TCF20: variants seen among roughly 807,000 people sequenced by gnomAD.
TCF20 encodes transcription factor 20.
A neutral mutation model predicts 148.6 loss-of-function variants in TCF20; 3 were observed. The observed-to-expected ratio is 0.02, with a 90% CI of 0.01 to 0.05. The LOEUF is 0.05. Ranked by LOEUF, TCF20 falls within the 10% of genes least tolerant of loss-of-function variation. TCF20 has a pLI of 1.00. For synonymous variants in TCF20, 1,049 were observed against 909.5 expected, an observed-to-expected ratio of 1.15 and a Z score of -2.76; for missense variants, 2,350 against 2,429.3, an observed-to-expected ratio of 0.97 and a Z score of 0.69.
chr22:42,160,242 CAT>C lies in TCF20; in HGVS notation c.*1159_*1160del, dbSNP rs1401472384. On this transcript the variant is annotated 3_prime_UTR_variant, in exon 6 of 6. Transcript: ENST00000677622. ...CAATTTACAAAACAAAACAACACAA[CAT>C]AAAGAATCACGTAGCATGGGGCTGC... 3 of 152,518 alleles carry C rather than the reference CAT, an allele frequency of 2.0e-5. No individual in the cohort carries two copies. Among genetic ancestry groups the C allele is most frequent in the African/African-American group, 4.8e-5 (2 of 41,408 alleles). 9.4% of individuals were successfully genotyped at this position (152,518 alleles called of 1,614,324 possible).
chr22:42,341,461 G>A (rs563345633), intron 1 of TCF20, among the ~76,000 whole-genome samples: 12 of 152,084 alleles, frequency 7.9e-5, no homozygotes, highest in African/African-American at 2.4e-4. Flanking sequence ...CACCATTACC[G>A]TCCCAGCGAA....
chr22:42,237,007 G>C (rs1411274455), intron 1 of TCF20, among the ~76,000 whole-genome samples: 1 of 152,152 alleles, frequency 6.6e-6, no homozygotes, highest in Non-Finnish European at 1.5e-5. Context: ...GACTAATTAG[G>C]GTGGTGGTTG....
chr22:42,309,238 G>A (rs1340541367), intron 1 of TCF20, among the ~76,000 whole-genome samples: 1 of 152,136 alleles, frequency 6.6e-6, no homozygotes, highest in African/African-American at 2.4e-5. Flanking sequence ...CAGACAGCAA[G>A]TGCTCCCCAA....
intron 1 of TCF20, among the ~76,000 whole-genome samples, chr22:42,294,514 G>C (rs1448733629): frequency 1.3e-5 from 2 of 152,124 alleles, no homozygotes; most frequent in East Asian, 3.9e-4. Flanking sequence ...AGGCGAGCAG[G>C]TTGGGAAAGG....
intron 1 of TCF20, among the ~76,000 whole-genome samples, chr22:42,252,094 ACT>A (rs1271599299): frequency 2.0e-5 from 3 of 149,754 alleles, no homozygotes; most frequent in Non-Finnish European, 3.0e-5. Context: ...ACATGGCGAA[ACT>A]CTGTCTCTAC....
chr22:42,338,090 G>A lies in TCF20; in HGVS notation c.-37+5389C>T, dbSNP rs1928097012. Among the ~76,000 whole-genome samples, 1 of 152,182 alleles carries A rather than the reference G, an allele frequency of 6.6e-6. No individual in the cohort carries two copies. The highest frequency in any genetic ancestry group is 2.4e-5 in the African/African-American group (1 of 41,446). On this transcript the variant is annotated intron_variant, in intron 1 of 1. Coordinates refer to the TCF20 transcript ENST00000515426. The surrounding 1 kb of genome is among the most constrained non-coding windows in gnomAD (Gnocchi z 4.0). ...GGTCCAGTGGGGGCATGCGTCCCAGGAAGAAAACCCTCTGGGCCCAGGTCC... is the reference window on the plus strand; with the variant it reads ...GGTCCAGTGGGGGCATGCGTCCCAGAAAGAAAACCCTCTGGGCCCAGGTCC...
intron 2 of TCF20, among the ~76,000 whole-genome samples, chr22:42,187,151 T>G (rs996346975): frequency 6.6e-6 from 1 of 152,180 alleles, no homozygotes; most frequent in African/African-American, 2.4e-5. Flanking sequence ...GACCCTCTGC[T>G]GCCATGTGGA....
chr22:42,341,776 TGGGCGGGGG>T (rs1237380721), intron 1 of TCF20, among the ~76,000 whole-genome samples: 1 of 11,926 alleles, frequency 8.4e-5, no homozygotes, highest in Non-Finnish European at 2.2e-4. Context: ...ATCAGCGGGG[TGGGCGGGGG>T]GGGCAAGATG....
In TCF20 at chr22:42,209,819, G is replaced by T. The variant is rs1456252029; in HGVS notation, c.5487C>A (p.Pro1829=). The T allele has an allele frequency of 5.6e-6, 9 of 1,614,066 alleles. No individual in the cohort carries two copies. Among genetic ancestry groups the T allele is most frequent in the Non-Finnish European group, 7.6e-6 (9 of 1,180,046 alleles). ...GCTCAGGGCCACCTTCTGAAGTGGT[G>T]GGCACGGAGGGCTTCGAGTCCAAAA... ...KTVLDSKPSV[P]TTSEGGPELE... is the part of the protein sequence containing the mutation. The change falls in exon 2 of 6, where the codon CCC becomes CCA. Residue 1829 remains proline, a synonymous_variant. Transcript: ENST00000677622.
intron 1 of TCF20, among the ~76,000 whole-genome samples, chr22:42,339,785 G>T (rs886667692): frequency 1.3e-5 from 2 of 152,210 alleles, no homozygotes; most frequent in Non-Finnish European, 2.9e-5. Context: ...CAGGCACTTG[G>T]CCAGCCAGGT....
chr22:42,264,691 C>G (rs903159446), intron 1 of TCF20, among the ~76,000 whole-genome samples: 2 of 152,216 alleles, frequency 1.3e-5, no homozygotes, highest in African/African-American at 4.8e-5. Flanking sequence ...AAGTAACATC[C>G]CCTGAGTTAT....
chr22:42,215,133 C>T lies in TCF20; in HGVS notation c.173G>A (p.Gly58Glu), dbSNP rs555261601. 135 of 1,613,976 alleles carry T rather than the reference C, an allele frequency of 8.4e-5. No homozygotes were observed. Among genetic ancestry groups the T allele is most frequent in the Non-Finnish European group, 1.1e-4 (132 of 1,179,980 alleles). The change falls in exon 2 of 6, where the codon GGA (glycine) becomes GAA (glutamate). Residue 58 changes from glycine to glutamate, a missense_variant. Gly to Glu is a moderately conservative substitution (Grantham distance 98). Coordinates refer to ENST00000677622, the MANE Select transcript of TCF20 (RefSeq NM_001378418.1). ...CGCAGCAGCTGCTGCTCCTCGTCGT[C>T]CACCACCACTGCCACTGCCACTGCT... is the stretch of plus-strand genomic sequence containing the variant. ...SGSSGSGSGGGRRGAAAAAAA... is the reference protein window; with the variant it reads ...SGSSGSGSGGERRGAAAAAAA...
At chr22:42,220,221 T>C (rs1259759744) in intron 1 of TCF20, among the ~76,000 whole-genome samples, 3 of 152,154 alleles carry the variant, frequency 2.0e-5, no homozygotes, top group African/African-American at 7.2e-5. Context: ...CAGGCTGGAG[T>C]GCAGTGGCAT....
At chr22:42,187,950 CA>C (rs1043947940) in intron 2 of TCF20, among the ~76,000 whole-genome samples, 21 of 152,070 alleles carry the variant, frequency 1.4e-4, no homozygotes, top group Non-Finnish European at 2.9e-5. Context: ...GTCTTTTCTC[CA>C]GAAGATTCTG....
chr22:42,183,458 G>A (rs1388656519), intron 2 of TCF20, among the ~76,000 whole-genome samples: 1 of 152,186 alleles, frequency 6.6e-6, no homozygotes, highest in Non-Finnish European at 1.5e-5. Flanking sequence ...TCAGCTTCAG[G>A]GAGACCTGAT....
At position 42,312,708 on chromosome 22, in the gene TCF20, C is replaced by T. The variant is rs78386699; in HGVS notation, c.-37+30771G>A. On this transcript the variant is annotated intron_variant, in intron 1 of 1. Coordinates refer to the TCF20 transcript ENST00000515426. ...AGGTCCCGGTCACCCCCCATCCCTG[C>T]TGAGCCTCAGGCTCCCCATCTGCAA... is the stretch of plus-strand genomic sequence containing the variant. Among the ~76,000 whole-genome samples the T allele has an allele frequency of 4.6e-3, 702 of 152,296 alleles. 10 individuals are homozygous for T. The highest frequency in any genetic ancestry group is 0.016 in the African/African-American group (662 of 41,548).
At chr22:42,328,617 C>T (rs905496068) in intron 1 of TCF20, among the ~76,000 whole-genome samples, 9 of 152,238 alleles carry the variant, frequency 5.9e-5, no homozygotes, top group African/African-American at 1.7e-4. Context: ...CACTCACCCA[C>T]GCCCTGAGCA....
At chr22:42,300,677 G>A (rs924798044) in intron 1 of TCF20, among the ~76,000 whole-genome samples, 1 of 152,144 alleles carries the variant, frequency 6.6e-6, no homozygotes, top group Admixed American at 6.5e-5. Flanking sequence ...GTATAGGGAG[G>A]TTAGTGGCAG....
chr22:42,251,402 G>C (rs775566983), intron 1 of TCF20, among the ~76,000 whole-genome samples: 6 of 149,170 alleles, frequency 4.0e-5, no homozygotes, highest in South Asian at 2.2e-4. Context: ...GGCTGATCTT[G>C]AACTCCTGGG....
Sources: gnomAD v4.1 joint callset for allele counts (sites outside exome capture counted in the v4.1 genomes callset) on GRCh38, gnomAD v4.1.1 for gene constraint, Gnocchi (gnomAD v3.1) non-coding constraint, MANE v1.5 for transcripts, NCBI Gene and HGNC (gene_info 2026-07-23, HGNC 2026-07-21) for gene names.